Variants in HIVEP1 observed in about 807,000 individuals in gnomAD.
The protein encoded by HIVEP1 is HIVEP zinc finger 1, also known as zinc finger protein 40.
In HIVEP1, 36 loss-of-function variants were observed where a neutral mutation model predicts 180.0. The ratio of observed to expected loss-of-function variants is 0.20; its 90% confidence interval spans 0.15 to 0.26. The LOEUF (loss-of-function observed/expected upper bound fraction) is 0.26. Among genes scored for constraint, HIVEP1 ranks in the 10% least tolerant of loss-of-function variants. The pLI is 1.00. For synonymous variants in HIVEP1, 1,239 were observed against 1,239.0 expected, an observed-to-expected ratio of 1.00 and a Z score of 0.00; for missense variants, 3,143 against 3,268.7, an observed-to-expected ratio of 0.96 and a Z score of 0.94.
chr6:12,167,597 T>C (rs1044491192), downstream of HIVEP1, among the ~76,000 whole-genome samples: 2 of 145,966 alleles, frequency 1.4e-5, no homozygotes, highest in African/African-American at 2.5e-5. Flanking sequence ...ATTACATGTA[T>C]ATATACATGT....
intron 3 of HIVEP1, among the ~76,000 whole-genome samples, chr6:12,109,418 G>C (rs575456049): frequency 7.2e-5 from 11 of 152,220 alleles, no homozygotes; most frequent in Non-Finnish European, 1.3e-4. Flanking sequence ...ATTGGAGTCA[G>C]TCCTCTCAAA....
In HIVEP1 at chr6:12,122,635, A is replaced by T; in HGVS notation, c.2840A>T (p.Glu947Val). The change falls in exon 4 of 9, where the codon GAA becomes GTA. Residue 947 changes from glutamate to valine, a missense_variant. Glu to Val is a moderately radical substitution (Grantham distance 121). Around this residue, in one of 12 missense-constraint regions of HIVEP1, gnomAD observed 204 missense variants for 243.7 expected, o/e 0.84. Coordinates refer to ENST00000379388, the MANE Select transcript of HIVEP1 (RefSeq NM_002114.4). ...GCACTGGCACAAGGCCCACATATAG[A>T]AAAAAAGAAGTCTCATCAAGGGCGA... ...SKALAQGPHI[E>V]KKKSHQGRGT... The T allele has an allele frequency of 6.2e-7, 1 of 1,613,928 alleles. No individual in the cohort carries two copies. The highest frequency in any genetic ancestry group is 8.5e-7 in the Non-Finnish European group (1 of 1,179,980).
At chr6:12,068,756 T>C (rs1031632784) in intron 2 of HIVEP1, among the ~76,000 whole-genome samples, 11 of 152,218 alleles carry the variant, frequency 7.2e-5, no homozygotes, top group Non-Finnish European at 1.5e-4. Context: ...TATTTGGCTG[T>C]CCATATTTAC....
At chr6:12,146,080 C>G (rs2113632608) in intron 7 of HIVEP1, among the ~76,000 whole-genome samples, 1 of 152,188 alleles carries the variant, frequency 6.6e-6, no homozygotes, top group South Asian at 2.1e-4. Context: ...TTAAAAAGGA[C>G]AGTATAATCT....
rs543186623 is a variant in HIVEP1 at position 12,141,551 on chromosome 6, T to G, written c.6487+5659T>G. ...CTTTAATGTAAATGGGCTAAATGCC[T>G]CAATTAAAAGACACAGGCAAATTGG... is the stretch of plus-strand genomic sequence containing the variant. On this transcript the variant is annotated intron_variant, in intron 7 of 8. Coordinates refer to ENST00000379388, the MANE Select transcript of HIVEP1 (RefSeq NM_002114.4). Among the ~76,000 whole-genome samples, 15 of 151,824 alleles carry G rather than the reference T, an allele frequency of 9.9e-5. No homozygotes were observed. In the South Asian group the frequency reaches 3.1e-3, roughly 32 times the overall value.
At chr6:12,108,531 C>A (rs979832416) in intron 3 of HIVEP1, among the ~76,000 whole-genome samples, 2 of 152,240 alleles carry the variant, frequency 1.3e-5, no homozygotes, top group African/African-American at 4.8e-5. Context: ...CGAGCCCTGC[C>A]CCGCAGGAAG....
At chr6:12,025,883 T>TA (rs1275440282) in intron 2 of HIVEP1, among the ~76,000 whole-genome samples, 2 of 151,888 alleles carry the variant, frequency 1.3e-5, no homozygotes, top group East Asian at 1.9e-4. Flanking sequence ...CTACTAAAAA[T>TA]AAAAAAATTA....
the HIVEP1 span, among the ~76,000 whole-genome samples, chr6:12,198,177 A>G: frequency 9.2e-5 from 14 of 152,322 alleles, no homozygotes; most frequent in East Asian, 1.9e-3. Flanking sequence ...TAGTCTCTAT[A>G]TGGTCGTTAC....
chr6:12,151,318 T>C lies in HIVEP1; in HGVS notation c.6488-10121T>C, dbSNP rs990361263. Among the ~76,000 whole-genome samples, 6 of 152,176 alleles carry C rather than the reference T, an allele frequency of 3.9e-5. No individual in the cohort carries two copies. In the South Asian group the frequency reaches 1.0e-3, roughly 26 times the overall value. On this transcript the variant is annotated intron_variant, in intron 7 of 8. Transcript: ENST00000379388. Reference sequence around the variant, plus strand: ...ATTAAATGAAACTTTTAGGACCATTTATTTATGAATTTGCTAAGCAAATAT... The same window carrying C: ...ATTAAATGAAACTTTTAGGACCATTCATTTATGAATTTGCTAAGCAAATAT...
At chr6:12,092,837 A>G (rs1773561331) in intron 3 of HIVEP1, among the ~76,000 whole-genome samples, 6 of 152,224 alleles carry the variant, frequency 3.9e-5, no homozygotes, top group Admixed American at 3.9e-4. Context: ...ATCAGGCATC[A>G]TTCAGAACCA....
At chr6:12,111,973 T>G (rs1416939213) in intron 3 of HIVEP1, among the ~76,000 whole-genome samples, 1 of 152,200 alleles carries the variant, frequency 6.6e-6, no homozygotes, top group Non-Finnish European at 1.5e-5. Flanking sequence ...ACGGTGAAAT[T>G]TTGAAGTGAT....
chr6:12,159,181 T>G (rs1760245598), intron 7 of HIVEP1, among the ~76,000 whole-genome samples: 1 of 152,028 alleles, frequency 6.6e-6, no homozygotes, highest in Admixed American at 6.6e-5. Flanking sequence ...AAGTTTAAAG[T>G]TAGGCTGTAC....
chr6:12,048,333 T>G (rs1399890179), intron 2 of HIVEP1, among the ~76,000 whole-genome samples: 1 of 152,170 alleles, frequency 6.6e-6, no homozygotes, highest in East Asian at 1.9e-4. Flanking sequence ...GAACATTTGC[T>G]TGAATAAAAA....
At chr6:12,070,075 G>T (rs1312079310) in intron 2 of HIVEP1, among the ~76,000 whole-genome samples, 2 of 152,066 alleles carry the variant, frequency 1.3e-5, no homozygotes, top group Non-Finnish European at 2.9e-5. Flanking sequence ...TGACACATAT[G>T]GAGCTGTCAT....
chr6:12,175,437 A>C, the HIVEP1 span, among the ~76,000 whole-genome samples: 1 of 152,236 alleles, frequency 6.6e-6, no homozygotes, highest in Non-Finnish European at 1.5e-5. Context: ...ATCCTAGTGT[A>C]TAGTAATATC....
At chr6:12,028,591 G>A (rs750313480) in intron 2 of HIVEP1, among the ~76,000 whole-genome samples, 98 of 152,084 alleles carry the variant, frequency 6.4e-4, no homozygotes, top group Non-Finnish European at 7.5e-4. Context: ...GAAGAGCTAG[G>A]GTTTGCAATA....
chr6:12,024,249 ATT>A (rs201215779), intron 2 of HIVEP1, among the ~76,000 whole-genome samples: 21,471 of 134,806 alleles, frequency 0.16, 1,568 homozygotes, highest in Admixed American at 0.2. Context: ...ATTGATTTTG[ATT>A]TTTTTTTTTT....
At chr6:12,072,302 T>C (rs142669325) in intron 2 of HIVEP1, among the ~76,000 whole-genome samples, 28 of 152,336 alleles carry the variant, frequency 1.8e-4, no homozygotes, top group African/African-American at 2.2e-4. Context: ...CACTTTGCTT[T>C]ACTTTCAAAG....
At chr6:12,020,890 C>CTTTCTTTTTTT (rs536583043) in intron 2 of HIVEP1, among the ~76,000 whole-genome samples, 4 of 105,766 alleles carry the variant, frequency 3.8e-5, no homozygotes, top group Admixed American at 1.2e-4. Context: ...TTCTTTCTTT[C>CTTTCTTTTTTT]TTTTTTTTTT....
Sources: allele counts gnomAD v4.1 joint callset (sites outside exome capture counted in the v4.1 genomes callset), GRCh38; gene constraint gnomAD v4.1.1; regional missense constraint gnomAD v4.1.1; transcripts MANE v1.5; gene names NCBI Gene and HGNC (gene_info 2026-07-23, HGNC 2026-07-21).